Variants in LPP observed in about 807,000 individuals in gnomAD.
LPP encodes the protein lipoma-preferred partner.
In LPP, 38 loss-of-function variants were observed where a neutral mutation model predicts 60.4. The observed-to-expected ratio is 0.63, with a 90% CI of 0.49 to 0.83. LPP has a LOEUF of 0.83. Ranked by LOEUF, LPP falls within the 40% of genes least tolerant of loss-of-function variation. LPP has a pLI of 0.00. For synonymous variants in LPP, 328 were observed against 290.8 expected (o/e 1.13, Z -1.30); for missense variants, 902 against 783.6 (o/e 1.15, Z -1.80).
intron 2 of LPP, among the ~76,000 whole-genome samples, chr3:188,264,495 G>C (rs542746980): frequency 2.6e-5 from 4 of 152,240 alleles, no homozygotes; most frequent in Non-Finnish European, 5.9e-5. Context: ...TCCTTAAGTG[G>C]TATAAAATGT....
chr3:188,812,714 C>T (rs67311295), intron 9 of LPP, among the ~76,000 whole-genome samples: 18,237 of 151,860 alleles, frequency 0.12, 1,565 homozygotes, highest in Non-Finnish European at 0.18. Flanking sequence ...TTCCCTCATT[C>T]CTGGGTAATT....
chr3:188,394,028 T>G (rs1780320312), intron 3 of LPP, among the ~76,000 whole-genome samples: 1 of 152,222 alleles, frequency 6.6e-6, no homozygotes, highest in Non-Finnish European at 1.5e-5. Context: ...GGGTTTTGTT[T>G]ATGATTTGGC....
chr3:188,818,088 C>A (rs537504458), intron 9 of LPP, among the ~76,000 whole-genome samples: 74 of 152,236 alleles, frequency 4.9e-4, no homozygotes, highest in African/African-American at 1.6e-3. Flanking sequence ...TTAGAAGTAA[C>A]GGGTGCATAT....
intron 9 of LPP, among the ~76,000 whole-genome samples, chr3:188,854,198 T>C (rs1181674668): frequency 6.6e-6 from 1 of 152,232 alleles, no homozygotes; most frequent in African/African-American, 2.4e-5. Context: ...AGTTATAGAA[T>C]GGAAAACCCT....
chr3:188,157,019 T>A (rs143225056), intron 1 of LPP, among the ~76,000 whole-genome samples: 1 of 152,336 alleles, frequency 6.6e-6, no homozygotes, highest in African/African-American at 2.4e-5. Flanking sequence ...CACACTTTTT[T>A]CACATTTTAA....
chr3:188,448,835 C>T (rs528722650), intron 4 of LPP, among the ~76,000 whole-genome samples: 18 of 152,292 alleles, frequency 1.2e-4, no homozygotes, highest in African/African-American at 3.9e-4. Context: ...GTTGTTGAAA[C>T]GTGCTTTTCT....
intron 1 of LPP, among the ~76,000 whole-genome samples, chr3:188,174,063 G>T (rs1299028887): frequency 6.6e-6 from 1 of 152,142 alleles, no homozygotes. Flanking sequence ...GCACAGCCTG[G>T]AACGTAGTAG....
At chr3:188,822,965 G>GT (rs1243907904) in intron 9 of LPP, among the ~76,000 whole-genome samples, 7 of 152,088 alleles carry the variant, frequency 4.6e-5, no homozygotes, top group South Asian at 4.1e-4. Flanking sequence ...ATTAGGGCAG[G>GT]TTTTTTTGTG....
At position 188,883,802 on chromosome 3, in the gene LPP, T is replaced by C. The variant is rs970184364; in HGVS notation, c.*9323T>C. The C allele has an allele frequency of 5.1e-6, 1 of 195,784 alleles. No homozygotes were observed. Among genetic ancestry groups the C allele is most frequent in the Non-Finnish European group, 1.0e-5 (1 of 96,732 alleles). 12.1% of individuals were successfully genotyped at this position (195,784 alleles called of 1,614,324 possible). A position where few individuals can be genotyped will look rare whatever the true frequency, so the allele number is the denominator to read the frequency against. On this transcript the variant is annotated 3_prime_UTR_variant, in exon 12 of 12. Coordinates refer to ENST00000617246, the MANE Select transcript of LPP (RefSeq NM_001375462.1). Reference sequence around the variant, plus strand: ...ATCCCCATGTCTAACAAGGAAGAAGTCAAAAGCAAAAGATAGTGGTATTGC... The same window carrying C: ...ATCCCCATGTCTAACAAGGAAGAAGCCAAAAGCAAAAGATAGTGGTATTGC...
intron 7 of LPP, among the ~76,000 whole-genome samples, chr3:188,655,359 C>A (rs1852949739): frequency 6.6e-6 from 1 of 151,842 alleles, no homozygotes; most frequent in Non-Finnish European, 1.5e-5. Flanking sequence ...GAAAGGACAT[C>A]AGAAAAAAAA....
intron 2 of LPP, among the ~76,000 whole-genome samples, chr3:188,271,388 C>G (rs1737670895): frequency 6.6e-6 from 1 of 152,128 alleles, no homozygotes; most frequent in Non-Finnish European, 1.5e-5. Context: ...GCATTGAAGC[C>G]TTTTCTGTGG....
At chr3:188,675,521 A>G (rs920453978) in intron 7 of LPP, among the ~76,000 whole-genome samples, 5 of 152,232 alleles carry the variant, frequency 3.3e-5, no homozygotes, top group African/African-American at 1.2e-4. Flanking sequence ...TTGTATATGA[A>G]GGACAACACA....
chr3:188,819,364 G>C (rs535473927), intron 9 of LPP, among the ~76,000 whole-genome samples: 74 of 151,270 alleles, frequency 4.9e-4, no homozygotes, highest in African/African-American at 1.7e-3. Flanking sequence ...TTACATCCAT[G>C]TGTACCCAAG....
At chr3:188,854,742 A>G (rs558195059) in intron 9 of LPP, among the ~76,000 whole-genome samples, 2 of 152,220 alleles carry the variant, frequency 1.3e-5, no homozygotes, top group Non-Finnish European at 2.9e-5. Context: ...CAGGAGTACA[A>G]AGAGAGCCCT....
chr3:188,675,660 C>T (rs1280479801), intron 7 of LPP, among the ~76,000 whole-genome samples: 1 of 152,178 alleles, frequency 6.6e-6, no homozygotes, highest in Non-Finnish European at 1.5e-5. Flanking sequence ...CCCAAATGTC[C>T]TTCTGGAATT....
intron 9 of LPP, among the ~76,000 whole-genome samples, chr3:188,828,469 G>A (rs1467979911): frequency 1.3e-5 from 2 of 150,928 alleles, no homozygotes; most frequent in Admixed American, 6.6e-5. Context: ...AAAAAAATTA[G>A]CTGGGCATGG....
chr3:188,255,893 C>T (rs1472947685), intron 2 of LPP, among the ~76,000 whole-genome samples: 1 of 152,098 alleles, frequency 6.6e-6, no homozygotes, highest in East Asian at 1.9e-4. Flanking sequence ...TGAAATTTTG[C>T]AGGATAATCA....
intron 9 of LPP, among the ~76,000 whole-genome samples, chr3:188,772,869 C>T (rs1397125597): frequency 6.6e-6 from 1 of 152,132 alleles, no homozygotes; most frequent in Non-Finnish European, 1.5e-5. Flanking sequence ...GTCATTGACT[C>T]ACATACCCTT....
intron 9 of LPP, among the ~76,000 whole-genome samples, chr3:188,790,204 C>A (rs12489625): frequency 0.29 from 43,459 of 151,916 alleles, 7,596 homozygotes; most frequent in East Asian, 0.78. Context: ...AAAAATAAGA[C>A]AAATCTATAT....
Sources: allele counts gnomAD v4.1 joint callset (sites outside exome capture counted in the v4.1 genomes callset), GRCh38; gene constraint gnomAD v4.1.1; transcripts MANE v1.5; gene names NCBI Gene and HGNC (gene_info 2026-07-23, HGNC 2026-07-21).